The following GNAI1 variants were observed in gnomAD, a reference collection of about 807,000 sequenced individuals.
The protein encoded by GNAI1 is guanine nucleotide-binding protein G(i) subunit alpha-1.
A neutral mutation model predicts 38.9 loss-of-function variants in GNAI1; 11 were observed. The observed-to-expected ratio is 0.28, with a 90% CI of 0.18 to 0.47. GNAI1 has a LOEUF of 0.47. Among genes scored for constraint, GNAI1 ranks in the 20% least tolerant of loss-of-function variants. The pLI, the probability that GNAI1 is intolerant of heterozygous loss-of-function variation, is 0.99. For missense variants in GNAI1, 317 were observed against 436.9 expected, an observed-to-expected ratio of 0.73 and a Z score of 2.45; for synonymous variants, 166 against 145.1, an observed-to-expected ratio of 1.14 and a Z score of -1.04.
At chr7:80,206,092 T>C (rs1418482708) in intron 5 of GNAI1, among the ~76,000 whole-genome samples, 1 of 152,120 alleles carries the variant, frequency 6.6e-6, no homozygotes, top group African/African-American at 2.4e-5. Flanking sequence ...ACGATACTTC[T>C]GATTGCTTCC....
At chr7:80,160,217 T>A (rs567568546) in intron 1 of GNAI1, among the ~76,000 whole-genome samples, 3 of 146,816 alleles carry the variant, frequency 2.0e-5, no homozygotes, top group Admixed American at 6.8e-5. Flanking sequence ...TTTTTTTTTT[T>A]AATGCAGCAG....
In GNAI1 at chr7:80,217,566, T is replaced by A; in HGVS notation, c.*73T>A. 1.3e-6 allele frequency: 1 copy of A among 778,452 alleles called. No homozygotes were observed. Among genetic ancestry groups the A allele is most frequent in the Non-Finnish European group, 2.0e-6 (1 of 500,216 alleles). The allele number at this position is 778,452 out of a possible 1,614,324, so 48.2% of individuals were successfully genotyped here. A position where few individuals can be genotyped will look rare whatever the true frequency, so the allele number is the denominator to read the frequency against. On this transcript the variant is annotated 3_prime_UTR_variant, in exon 8 of 8. Transcript: ENST00000649796. Reference sequence around the variant, plus strand: ...ATATATGGATCTCTGTAGACTAGAGTCTTGCAGCAACACAGAATGTAATAT... The same window carrying A: ...ATATATGGATCTCTGTAGACTAGAGACTTGCAGCAACACAGAATGTAATAT...
chr7:80,208,908 A>G (rs1309536025), intron 5 of GNAI1, among the ~76,000 whole-genome samples: 2 of 152,210 alleles, frequency 1.3e-5, no homozygotes, highest in African/African-American at 2.4e-5. Flanking sequence ...TCTGTAGTGT[A>G]TAATAACATG....
chr7:80,213,018 C>G (rs1295298164), intron 7 of GNAI1, 149 bp downstream of exon 7: 1 of 528,426 alleles, frequency 1.9e-6, no homozygotes, highest in Admixed American at 3.8e-5. Flanking sequence ...TGCAGTTGAG[C>G]ATAAAAATTT....
intron 1 of GNAI1, chr7:80,187,191 GTGTGTGTGTGTGTGTCTTTGT>G (rs1788399446): frequency 3.6e-5 from 1 of 28,160 alleles, no homozygotes; most frequent in Non-Finnish European, 9.9e-5. Flanking sequence ...ATTTGGGTGT[GTGTGTGTGTGTGTGTCTTTGT>G]GTGTGTGTGT....
At chr7:80,144,569 C>A (rs945375678) in intron 1 of GNAI1, among the ~76,000 whole-genome samples, 10 of 152,058 alleles carry the variant, frequency 6.6e-5, no homozygotes, top group Non-Finnish European at 1.5e-4. Flanking sequence ...CTCCTGTTAC[C>A]CTTGCCTCAC....
chr7:80,143,966 G>A lies in GNAI1; in HGVS notation c.118+8688G>A, dbSNP rs114482966. On this transcript the variant is annotated intron_variant, in intron 1 of 7. Transcript: ENST00000649796. ...TATGTGTGCATATATGTGTGTGTGT[G>A]TATATATATAGTGAAGACTTCAAGA... 5.5e-3 allele frequency among the ~76,000 whole-genome samples: 829 copies of A among 151,622 alleles called. 10 individuals are homozygous for A. Among genetic ancestry groups the A allele is most frequent in the African/African-American group, 0.018 (759 of 41,334 alleles).
chr7:80,197,369 A>T (rs748941216), intron 3 of GNAI1, among the ~76,000 whole-genome samples: 1 of 151,932 alleles, frequency 6.6e-6, no homozygotes, highest in Non-Finnish European at 1.5e-5. Context: ...CTTCAGGCCT[A>T]TTCCTGGAAA....
intron 1 of GNAI1, among the ~76,000 whole-genome samples, chr7:80,159,566 G>T (rs1287449060): frequency 6.6e-6 from 1 of 152,140 alleles, no homozygotes. Context: ...GTACATGATT[G>T]AATCAGGGTA....
chr7:80,189,061 A>C, intron 2 of GNAI1, 29 bp from the exon 3 acceptor site: 1 of 1,602,794 alleles, frequency 6.2e-7, no homozygotes. Context: ...GAAGTAAATA[A>C]TTCTTTTTTT....
chr7:80,182,920 A>G (rs934007729), intron 1 of GNAI1, among the ~76,000 whole-genome samples: 2 of 152,148 alleles, frequency 1.3e-5, no homozygotes, highest in African/African-American at 4.8e-5. Flanking sequence ...GGCCTCATTC[A>G]TAGGAGAAAA....
At chr7:80,152,030 G>A (rs1256991375) in intron 1 of GNAI1, among the ~76,000 whole-genome samples, 1 of 152,084 alleles carries the variant, frequency 6.6e-6, no homozygotes, top group African/African-American at 2.4e-5. Context: ...TCCTTTCACG[G>A]CCTCTTTTCA....
At chr7:80,139,291 C>G (rs1787481897) in intron 1 of GNAI1, among the ~76,000 whole-genome samples, 1 of 152,172 alleles carries the variant, frequency 6.6e-6, no homozygotes, top group Admixed American at 6.5e-5. Context: ...TTGTCTTTCC[C>G]TCTAGCCTGT....
At chr7:80,192,251 TA>T (rs1414706438) in intron 3 of GNAI1, among the ~76,000 whole-genome samples, 2 of 152,220 alleles carry the variant, frequency 1.3e-5, no homozygotes, top group African/African-American at 2.4e-5. Flanking sequence ...TAAATTCTCT[TA>T]TTTTTTTAGA....
intron 3 of GNAI1, among the ~76,000 whole-genome samples, chr7:80,193,010 T>C (rs550616106): frequency 6.0e-5 from 1 of 16,636 alleles, no homozygotes; most frequent in African/African-American, 2.9e-4. Context: ...TGTTTTATTG[T>C]TTTTTTTTTT....
At position 80,212,814 on chromosome 7, in the gene GNAI1, CTT is replaced by C; in HGVS notation, c.821_822del (p.Phe274Ter). 6.3e-7 allele frequency: 1 copy of C among 1,580,122 alleles called. No homozygotes were observed. On this transcript the variant is annotated frameshift_variant, in exon 7 of 8. Transcript: ENST00000649796. LOFTEE classifies it high-confidence loss of function. ...TACTTTTTCTAAACAAGAAGGATCT[CTT>C]TGAAGAAAAAATCAAAAAGAGCCCT... ...IILFLNKKDLFEEKIKKSPLT... is the reference protein window; with the variant it reads ...IILFLNKKDLXEEKIKKSPLT...
chr7:80,184,004 A>G (rs1268477954), intron 1 of GNAI1, among the ~76,000 whole-genome samples: 2 of 151,870 alleles, frequency 1.3e-5, no homozygotes, highest in Admixed American at 1.3e-4. Context: ...GCACAGTCTT[A>G]TTTGCTGGGC....
intron 3 of GNAI1, among the ~76,000 whole-genome samples, chr7:80,192,272 G>T (rs890881759): frequency 6.6e-6 from 1 of 151,880 alleles, no homozygotes; most frequent in Non-Finnish European, 1.5e-5. Flanking sequence ...AATGTTTGTA[G>T]TTTTATTTTT....
chr7:80,217,246 T>TATGTATGAACCTGAA, intron 7 of GNAI1, 57 bp from the exon 8 acceptor site: 6 of 1,152,012 alleles, frequency 5.2e-6, no homozygotes, highest in Non-Finnish European at 7.4e-6. Context: ...GAATTCAGTA[T>TATGTATGAACCTGAA]TTTAAGCAGT....
Sources: allele counts gnomAD v4.1 joint callset (sites outside exome capture counted in the v4.1 genomes callset), GRCh38; gene constraint gnomAD v4.1.1; transcripts MANE v1.5; gene names NCBI Gene and HGNC (gene_info 2026-07-23, HGNC 2026-07-21).